Variants in MPPED2 observed in about 807,000 individuals in gnomAD.
The protein encoded by MPPED2 is metallophosphoesterase MPPED2.
A neutral mutation model predicts 33.0 loss-of-function variants in MPPED2; 5 were observed. The ratio of observed to expected loss-of-function variants is 0.15; its 90% CI spans 0.08 to 0.32. The LOEUF is 0.32. Ranked by LOEUF, MPPED2 falls within the 10% of genes least tolerant of loss-of-function variation. MPPED2 has a pLI of 1.00. For missense variants in MPPED2, 275 were observed against 372.1 expected (o/e 0.74, Z 2.15); for synonymous variants, 136 against 141.9 (o/e 0.96, Z 0.29).
chr11:30,550,219 A>G (rs1258196115), intron 2 of MPPED2, among the ~76,000 whole-genome samples: 1 of 152,130 alleles, frequency 6.6e-6, no homozygotes, highest in Non-Finnish European at 1.5e-5. Flanking sequence ...AGAAACAGTC[A>G]GTGAAAAGAT....
At chr11:30,396,540 G>C (rs552872235) in intron 6 of MPPED2, among the ~76,000 whole-genome samples, 13 of 152,054 alleles carry the variant, frequency 8.5e-5, no homozygotes, top group Non-Finnish European at 1.8e-4. Context: ...GAAACAAGGA[G>C]AAAGAGAAGG....
intron 6 of MPPED2, among the ~76,000 whole-genome samples, chr11:30,401,244 C>G (rs1415000471): frequency 2.0e-5 from 3 of 152,192 alleles, no homozygotes; most frequent in African/African-American, 7.2e-5. Context: ...TCATTCCCAT[C>G]ACTTGGAAAG....
rs147770307 is a variant in MPPED2, at chr11:30,492,252, A to G, written c.536+3044T>C. On this transcript the variant is annotated intron_variant, in intron 4 of 6. Coordinates refer to ENST00000358117, the MANE Select transcript of MPPED2 (RefSeq NM_001584.3). ...CTGCAAGATCTGCCTGAGGACCAAAATCATTCCCTCATTCATCACAGCTAC... is the reference window on the plus strand; with the variant it reads ...CTGCAAGATCTGCCTGAGGACCAAAGTCATTCCCTCATTCATCACAGCTAC... Among the ~76,000 whole-genome samples the G allele has an allele frequency of 9.9e-5, 15 of 152,258 alleles. No individual in the cohort carries two copies. In the East Asian group the frequency reaches 2.9e-3, roughly 29 times the overall value.
intron 3 of MPPED2, among the ~76,000 whole-genome samples, chr11:30,533,396 C>G (rs1480205167): frequency 1.3e-5 from 2 of 152,166 alleles, no homozygotes; most frequent in Non-Finnish European, 2.9e-5. Context: ...GAGTAGAAAG[C>G]CAGAAATCAG....
intron 3 of MPPED2, chr11:30,504,702 C>T: frequency 9.0e-7 from 1 of 1,110,482 alleles, no homozygotes; most frequent in Non-Finnish European, 1.2e-6. Context: ...CATTAATTTT[C>T]ACAAGTCCTG....
In MPPED2 at chr11:30,410,510, A is replaced by G; in HGVS notation, c.*958T>C. The G allele has an allele frequency of 2.0e-6, 2 of 985,756 alleles. No homozygotes were observed. The highest frequency in any genetic ancestry group is 2.4e-6 in the Non-Finnish European group (2 of 829,930). 61.1% of individuals were successfully genotyped at this position (985,756 alleles called of 1,614,324 possible). A position where few individuals can be genotyped will look rare whatever the true frequency, so the allele number is the denominator to read the frequency against. ...AGGACAACTAAGCCTTATTTTAGTT[A>G]GCTTCCATTGCATCCATTTAAGTCT... is the stretch of plus-strand genomic sequence containing the variant. On this transcript the variant is annotated 3_prime_UTR_variant, in exon 7 of 7. Coordinates refer to ENST00000358117, the MANE Select transcript of MPPED2 (RefSeq NM_001584.3).
At chr11:30,543,693 T>C (rs905294901) in intron 2 of MPPED2, among the ~76,000 whole-genome samples, 5 of 152,076 alleles carry the variant, frequency 3.3e-5, no homozygotes, top group African/African-American at 1.2e-4. Context: ...ATATATCTAT[T>C]CCAACAGAGA....
intron 4 of MPPED2, among the ~76,000 whole-genome samples, chr11:30,442,700 T>C (rs74433638): frequency 0.026 from 3,933 of 152,164 alleles, 150 homozygotes; most frequent in Admixed American, 0.079. Flanking sequence ...CAGTTGGGGC[T>C]CTTTTCAAAA....
chr11:30,411,177 T>C lies in MPPED2; in HGVS notation c.*291A>G, dbSNP rs942143953. The C allele has an allele frequency of 1.9e-6, 2 of 1,047,430 alleles. No homozygotes were observed. Among genetic ancestry groups the C allele is most frequent in the Non-Finnish European group, 2.3e-6 (2 of 869,636 alleles). 64.9% of individuals were successfully genotyped at this position (1,047,430 alleles called of 1,614,324 possible). On this transcript the variant is annotated 3_prime_UTR_variant, in exon 7 of 7. Coordinates refer to ENST00000358117, the MANE Select transcript of MPPED2 (RefSeq NM_001584.3). ...ATATTAAAATAAGACTTTTATCACTTTTTAAAAGAAAGCTTGGCTGTCCTT... is the reference window on the plus strand; with the variant it reads ...ATATTAAAATAAGACTTTTATCACTCTTTAAAAGAAAGCTTGGCTGTCCTT...
chr11:30,584,050 G>A (rs1381618657), intron 1 of MPPED2: 1 of 152,134 alleles, frequency 6.6e-6, no homozygotes, highest in Non-Finnish European at 1.5e-5. Flanking sequence ...TCTCCGCCAG[G>A]GTTTTTTTGG....
intron 2 of MPPED2, among the ~76,000 whole-genome samples, chr11:30,578,121 G>T (rs112751001): frequency 1.3e-5 from 2 of 152,130 alleles, no homozygotes; most frequent in Non-Finnish European, 2.9e-5. Context: ...GATTGGAAAC[G>T]GATAGGTAGA....
chr11:30,430,427 A>C (rs1485311735), intron 4 of MPPED2, among the ~76,000 whole-genome samples: 1 of 152,250 alleles, frequency 6.6e-6, no homozygotes, highest in Non-Finnish European at 1.5e-5. Context: ...TGGGTCAAAT[A>C]GAATATATCA....
chr11:30,576,169 C>T (rs1034270944), intron 2 of MPPED2, among the ~76,000 whole-genome samples: 3 of 152,110 alleles, frequency 2.0e-5, no homozygotes, highest in Admixed American at 1.3e-4. Context: ...CTTTTATGGT[C>T]CGGATCTTAC....
chr11:30,550,793 A>G (rs1955671511), intron 2 of MPPED2, among the ~76,000 whole-genome samples: 1 of 152,202 alleles, frequency 6.6e-6, no homozygotes, highest in Non-Finnish European at 1.5e-5. Flanking sequence ...AACATCAGGA[A>G]AATTTGGTAG....
intron 6 of MPPED2, among the ~76,000 whole-genome samples, chr11:30,390,383 A>G (rs1012276338): frequency 6.6e-6 from 1 of 152,224 alleles, no homozygotes; most frequent in Non-Finnish European, 1.5e-5. Context: ...TCTTTAAGGA[A>G]AAGTTACAGT....
chr11:30,431,177 C>A (rs1335081229), intron 4 of MPPED2, among the ~76,000 whole-genome samples: 2 of 152,186 alleles, frequency 1.3e-5, no homozygotes, highest in Non-Finnish European at 2.9e-5. Context: ...GATTCCTAAG[C>A]TTTCCTGGAT....
At chr11:30,562,820 C>T (rs1342854923) in intron 2 of MPPED2, among the ~76,000 whole-genome samples, 1 of 152,016 alleles carries the variant, frequency 6.6e-6, no homozygotes, top group African/African-American at 2.4e-5. Context: ...ACTTTAAGAA[C>T]CTTGATATTC....
chr11:30,452,661 G>A (rs1950112253), intron 4 of MPPED2, among the ~76,000 whole-genome samples: 1 of 152,174 alleles, frequency 6.6e-6, no homozygotes, highest in Non-Finnish European at 1.5e-5. Context: ...GGAGTGGCAG[G>A]ATTATGCCTG....
At chr11:30,550,467 A>C (rs890792637) in intron 2 of MPPED2, among the ~76,000 whole-genome samples, 1 of 152,206 alleles carries the variant, frequency 6.6e-6, no homozygotes, top group African/African-American at 2.4e-5. Context: ...GGATGTGAGA[A>C]TAGTCAGGAA....
Sources: allele counts gnomAD v4.1 joint callset (sites outside exome capture counted in the v4.1 genomes callset), GRCh38; gene constraint gnomAD v4.1.1; transcripts MANE v1.5; gene names NCBI Gene and HGNC (gene_info 2026-07-23, HGNC 2026-07-21).